TRHDE: variants seen among roughly 807,000 people sequenced by gnomAD.
TRHDE encodes thyrotropin releasing hormone degrading enzyme.
A neutral mutation model predicts 125.7 loss-of-function variants in TRHDE; 72 were observed. The observed-to-expected ratio is 0.57, with a 90% CI of 0.47 to 0.70. The LOEUF is 0.70. TRHDE is among the 30% of genes least tolerant of loss of function. The probability of loss-of-function intolerance (pLI) is 0.00; values close to 1 mark genes in which losing one functional copy is unlikely to be tolerated. For synonymous variants in TRHDE, 509 were observed against 509.1 expected (o/e 1.00, Z 0.00); for missense variants, 1,110 against 1,327.1 (o/e 0.84, Z 2.54).
chr12:72,132,078 AAG>A (rs1875879188), intron 2 of TRHDE, among the ~76,000 whole-genome samples: 2 of 152,244 alleles, frequency 1.3e-5, no homozygotes, highest in South Asian at 4.1e-4. Context: ...ACAATGGAGT[AAG>A]AGCGTCTCAG....
At chr12:72,616,458 A>C (rs1455630150) in intron 12 of TRHDE, among the ~76,000 whole-genome samples, 2 of 152,090 alleles carry the variant, frequency 1.3e-5, no homozygotes, top group Admixed American at 1.3e-4. Context: ...TTATAGACAC[A>C]GAATGTGAGG....
rs1202107858 is a variant in TRHDE, at chr12:72,633,581, C to T, written c.2675+11830C>T. 7.2e-5 allele frequency among the ~76,000 whole-genome samples: 11 copies of T among 152,044 alleles called. No individual in the cohort carries two copies. In the East Asian group the frequency reaches 2.1e-3, roughly 29 times the overall value. On this transcript the variant is annotated intron_variant, in intron 15 of 18. Transcript: ENST00000261180. Reference sequence around the variant, plus strand: ...AGAAACAGAACCACCCTAGCTTCAGCATGAAAGGTGCCTAGCAAACAGCAT... The same window carrying T: ...AGAAACAGAACCACCCTAGCTTCAGTATGAAAGGTGCCTAGCAAACAGCAT...
intron 2 of TRHDE, among the ~76,000 whole-genome samples, chr12:72,348,721 G>A (rs145321929): frequency 1.5e-3 from 232 of 152,016 alleles, no homozygotes; most frequent in African/African-American, 5.2e-3. Flanking sequence ...ATTTAAGTGT[G>A]CTCCAATCTA....
intron 15 of TRHDE, among the ~76,000 whole-genome samples, chr12:72,646,173 G>A (rs928710123): frequency 1.3e-5 from 2 of 151,962 alleles, no homozygotes; most frequent in East Asian, 3.9e-4. Flanking sequence ...TATATTAAAA[G>A]GTACACAATA....
chr12:72,562,247 TTAAATATCAAAACCTCTACTTGAA>T lies in TRHDE; in HGVS notation c.1854+20_1854+43del. The stretch of plus-strand genomic sequence containing the variant: ...TTATCGGAGGTAAAGTATAGGAAGC[TTAAATATCAAAACCTCTACTTGAA>T]TATTTGAATTGCATTTATAAGACAT... On this transcript the variant is annotated intron_variant, in intron 8 of 18. Coordinates refer to ENST00000261180, the MANE Select transcript of TRHDE (RefSeq NM_013381.3). 7.0e-7 allele frequency: 1 copy of T among 1,437,314 alleles called. No individual in the cohort carries two copies. The highest frequency in any genetic ancestry group is 1.2e-5 in the South Asian group (1 of 81,692). 89.0% of individuals were successfully genotyped at this position (1,437,314 alleles called of 1,614,324 possible). A position where few individuals can be genotyped will look rare whatever the true frequency, so the allele number is the denominator to read the frequency against.
At chr12:72,447,077 T>C (rs981145163) in intron 3 of TRHDE, among the ~76,000 whole-genome samples, 1 of 152,046 alleles carries the variant, frequency 6.6e-6, no homozygotes, top group South Asian at 2.1e-4. Context: ...TTCTCAGCAC[T>C]GCATCGCACT....
rs1421801893 is a variant in TRHDE, at chr12:72,430,395, ACACACG to A, written c.1316-39362_1316-39357del. On this transcript the variant is annotated intron_variant, in intron 3 of 18. Coordinates refer to ENST00000261180, the MANE Select transcript of TRHDE (RefSeq NM_013381.3). ...CGTATATATACATGTATATATATAC[ACACACG>A]TATATATATGTGCATATATATACAT... Among the ~76,000 whole-genome samples, 82 of 142,570 alleles carry A rather than the reference ACACACG, an allele frequency of 5.8e-4. 1 individual carries two copies. The highest frequency in any genetic ancestry group is 2.1e-3 in the African/African-American group (81 of 37,920). 93.5% of individuals were successfully genotyped at this position (142,570 alleles called of 152,430 possible).
chr12:72,285,522 CT>C (rs370394091), intron 1 of TRHDE, among the ~76,000 whole-genome samples: 2,591 of 131,354 alleles, frequency 0.02, 56 homozygotes, highest in African/African-American at 0.065. Flanking sequence ...TTTTTTTCTT[CT>C]TTTTTTTTTT....
At chr12:72,429,221 C>T (rs1387326466) in intron 3 of TRHDE, among the ~76,000 whole-genome samples, 1 of 151,822 alleles carries the variant, frequency 6.6e-6, no homozygotes, top group South Asian at 2.1e-4. Context: ...AGAGGGATAG[C>T]ATTAGAAGAA....
chr12:72,105,420 G>C (rs1875164206), intron 1 of TRHDE, among the ~76,000 whole-genome samples: 2 of 152,122 alleles, frequency 1.3e-5, no homozygotes, highest in Non-Finnish European at 1.5e-5. Context: ...AGCAGAGCTG[G>C]TCTGTGTTTG....
intron 2 of TRHDE, among the ~76,000 whole-genome samples, chr12:72,375,790 T>C (rs1465684707): frequency 6.6e-6 from 1 of 152,206 alleles, no homozygotes; most frequent in Non-Finnish European, 1.5e-5. Flanking sequence ...CAATAATGCA[T>C]GTCTTCTTCA....
chr12:72,401,260 A>G (rs1214967772), intron 3 of TRHDE, among the ~76,000 whole-genome samples: 1 of 152,230 alleles, frequency 6.6e-6, no homozygotes, highest in Non-Finnish European at 1.5e-5. Flanking sequence ...TACGGCAACA[A>G]TAATAGCTAA....
intron 2 of TRHDE, among the ~76,000 whole-genome samples, chr12:72,212,081 A>T (rs1311357707): frequency 1.3e-5 from 2 of 152,186 alleles, no homozygotes; most frequent in Non-Finnish European, 2.9e-5. Context: ...AGCATAAACC[A>T]GCAGGCTAGA....
At chr12:72,213,269 T>G (rs1420679354) in intron 2 of TRHDE, among the ~76,000 whole-genome samples, 1 of 152,088 alleles carries the variant, frequency 6.6e-6, no homozygotes, top group Non-Finnish European at 1.5e-5. Flanking sequence ...AAGTAGGTTG[T>G]GGTGGTTGTT....
At chr12:72,155,731 C>T (rs1876488591) in intron 2 of TRHDE, among the ~76,000 whole-genome samples, 1 of 152,200 alleles carries the variant, frequency 6.6e-6, no homozygotes, top group Non-Finnish European at 1.5e-5. Context: ...GCAAACGTTG[C>T]TGCCTGATCG....
chr12:72,629,318 A>C (rs1383695173), intron 15 of TRHDE, among the ~76,000 whole-genome samples: 2 of 151,740 alleles, frequency 1.3e-5, no homozygotes, highest in African/African-American at 4.8e-5. Flanking sequence ...TTTTTACATA[A>C]GTATGCTTTT....
At chr12:72,566,409 C>T (rs550333426) in intron 9 of TRHDE, among the ~76,000 whole-genome samples, 1 of 151,558 alleles carries the variant, frequency 6.6e-6, no homozygotes, top group South Asian at 2.1e-4. Context: ...ACTTAGTTAA[C>T]CTTATAGTTA....
At chr12:72,555,465 T>C (rs74665623) in intron 7 of TRHDE, among the ~76,000 whole-genome samples, 4 of 151,640 alleles carry the variant, frequency 2.6e-5, no homozygotes, top group Non-Finnish European at 1.5e-5. Flanking sequence ...AATTTAATAA[T>C]AAAGGTTTCA....
chr12:72,439,825 A>G (rs757173506), intron 3 of TRHDE, among the ~76,000 whole-genome samples: 4 of 151,738 alleles, frequency 2.6e-5, no homozygotes, highest in Non-Finnish European at 5.9e-5. Flanking sequence ...CTTGCTCCAG[A>G]TCTTAGAGAA....
Sources: allele counts gnomAD v4.1 joint callset (sites outside exome capture counted in the v4.1 genomes callset), GRCh38; gene constraint gnomAD v4.1.1; transcripts MANE v1.5; gene names NCBI Gene and HGNC (gene_info 2026-07-23, HGNC 2026-07-21).